Variants in CHM observed in about 807,000 individuals in gnomAD.
CHM encodes the protein CHM Rab escort protein, also known as rab proteins geranylgeranyltransferase component A 1.
A neutral mutation model predicts 49.0 loss-of-function variants in CHM; 10 were observed. The ratio of observed to expected loss-of-function variants is 0.20; its 90% CI spans 0.13 to 0.35. The LOEUF (loss-of-function observed/expected upper bound fraction) is 0.35. Among genes scored for constraint, CHM ranks in the 10% least tolerant of loss-of-function variants. The probability of loss-of-function intolerance (pLI) is 1.00; values close to 1 mark genes in which losing one functional copy is unlikely to be tolerated. For missense variants in CHM, 455 were observed against 478.4 expected, an observed-to-expected ratio of 0.95 and a Z score of 0.46; for synonymous variants, 184 against 167.5, an observed-to-expected ratio of 1.10 and a Z score of -0.76.
intron 8 of CHM, among the ~76,000 whole-genome samples, chrX:85,944,665 C>G (rs377732381): frequency 3.2e-4 from 36 of 112,162 alleles, no homozygotes; most frequent in South Asian, 2.6e-3. Flanking sequence ...AAAAGGGAAG[C>G]TTATACACTG....
At chrX:85,957,559 A>G (rs1930066759) in intron 7 of CHM, among the ~76,000 whole-genome samples, 1 of 111,560 alleles carries the variant, frequency 9.0e-6, no homozygotes, top group South Asian at 3.8e-4. Context: ...AAGAATAAAA[A>G]TTAAAATCTA....
At chrX:85,959,495 C>G (rs1930185599) in intron 5 of CHM, among the ~76,000 whole-genome samples, 1 of 110,845 alleles carries the variant, frequency 9.0e-6, no homozygotes, top group Admixed American at 9.7e-5. Context: ...GTGAACCTCC[C>G]TACCCCATCA....
intron 2 of CHM, among the ~76,000 whole-genome samples, chrX:86,013,904 G>A (rs1020906053): frequency 1.3e-4 from 15 of 112,041 alleles, no homozygotes; most frequent in Non-Finnish European, 5.6e-5. Context: ...AAAGAGGTCT[G>A]CAAGCAATGT....
intron 2 of CHM, among the ~76,000 whole-genome samples, chrX:85,999,925 A>C: frequency 8.9e-6 from 1 of 112,119 alleles, no homozygotes; most frequent in Admixed American, 9.5e-5. Flanking sequence ...CTGTTTATAA[A>C]TCAACAGAGG....
At chrX:85,898,212 T>A (rs1243413359) in intron 11 of CHM, among the ~76,000 whole-genome samples, 3 of 111,401 alleles carry the variant, frequency 2.7e-5, no homozygotes, top group Non-Finnish European at 5.7e-5. Flanking sequence ...CTTCTACCCA[T>A]CCACATTTGC....
At chrX:85,905,408 T>G (rs1458735030) in intron 9 of CHM, among the ~76,000 whole-genome samples, 1 of 111,742 alleles carries the variant, frequency 8.9e-6, no homozygotes, top group East Asian at 2.8e-4. Flanking sequence ...CCAAGCACTG[T>G]TCTAAGAGGT....
At chrX:85,964,872 T>C (rs974425407) in intron 4 of CHM, among the ~76,000 whole-genome samples, 8 of 112,571 alleles carry the variant, frequency 7.1e-5, no homozygotes, top group Non-Finnish European at 1.1e-4. Context: ...TGATATTTTA[T>C]CCTCCACAGA....
chrX:85,937,340 A>G (rs1277745150), intron 8 of CHM, among the ~76,000 whole-genome samples: 1 of 110,009 alleles, frequency 9.1e-6, no homozygotes, highest in Non-Finnish European at 1.9e-5. Flanking sequence ...AGCTCCAAAC[A>G]CTTGCCTTAA....
chrX:85,895,218 C>T (rs188077888), intron 11 of CHM, among the ~76,000 whole-genome samples: 18 of 104,936 alleles, frequency 1.7e-4, no homozygotes, highest in Non-Finnish European at 1.4e-4. Context: ...TCACTGCAAC[C>T]CCCGCCTCCT....
chrX:85,888,806 C>T (rs1470658559), intron 12 of CHM, among the ~76,000 whole-genome samples: 1 of 112,151 alleles, frequency 8.9e-6, no homozygotes, highest in African/African-American at 3.2e-5. Flanking sequence ...CCAAGCATCA[C>T]TGAAAAAATT....
Position 86,032,963 on chromosome X carries a change from G to A in CHM, c.50-5406C>T, listed in dbSNP as rs180820090. Among the ~76,000 whole-genome samples the A allele has an allele frequency of 1.3e-4, 15 of 111,436 alleles. No individual in the cohort carries two copies. In the East Asian group the frequency reaches 1.7e-3, roughly 13 times the overall value. The stretch of plus-strand genomic sequence containing the variant: ...GCTTTCTGCAATTTTCTAAAAACCT[G>A]TCTAGATGAAATAGAGATGTTTCAT... On this transcript the variant is annotated intron_variant, in intron 1 of 14. Coordinates refer to ENST00000357749, the MANE Select transcript of CHM (RefSeq NM_000390.4).
rs950727798 is a variant in CHM, at chrX:85,861,660, A to G, written c.*2970T>C. 8.9e-6 allele frequency: 1 copy of G among 111,929 alleles called. No homozygotes were observed. The highest frequency in any genetic ancestry group is 1.9e-5 in the Non-Finnish European group (1 of 53,150). The allele number at this position is 111,929 out of a possible 1,213,427, so 9.2% of individuals were successfully genotyped here. On this transcript the variant is annotated 3_prime_UTR_variant, in exon 15 of 15. Coordinates refer to ENST00000357749, the MANE Select transcript of CHM (RefSeq NM_000390.4). ...TTTATATATACACAGGTATGTATAC[A>G]CATACAGTATATGTTTTTCTGAGCA...
At chrX:85,971,321 G>T (rs1225291493) in intron 4 of CHM, 1 of 511,751 alleles carries the variant, frequency 2.0e-6, no homozygotes, top group Non-Finnish European at 2.4e-6. Flanking sequence ...GACCCGCGCG[G>T]TGAGTGTTAC....
chrX:85,980,160 T>C (rs890871441), intron 3 of CHM, among the ~76,000 whole-genome samples: 1 of 108,197 alleles, frequency 9.2e-6, no homozygotes, highest in African/African-American at 3.4e-5. Flanking sequence ...GGGGTATATT[T>C]TGTTATTGTT....
At chrX:85,981,846 A>T in intron 2 of CHM, 37 bp from the exon 3 acceptor site, 1 of 1,007,890 alleles carries the variant, frequency 9.9e-7, no homozygotes, top group Non-Finnish European at 1.4e-6. Flanking sequence ...AGTAAAGAAA[A>T]TGGTATAAAA....
chrX:86,047,400 G>T, intron 1 of CHM, 84 bp downstream of exon 1: 1 of 892,191 alleles, frequency 1.1e-6, no homozygotes, highest in Non-Finnish European at 1.6e-6. Context: ...CACGATGTTT[G>T]TCCCAAAACT....
chrX:85,929,195 A>ATT (rs1928270733), intron 8 of CHM, among the ~76,000 whole-genome samples: 1 of 111,650 alleles, frequency 9.0e-6, no homozygotes, highest in Admixed American at 9.5e-5. Flanking sequence ...CACACTCCTG[A>ATT]TTAACTCCCT....
At chrX:85,918,167 G>A (rs1927566468) in intron 8 of CHM, among the ~76,000 whole-genome samples, 1 of 110,736 alleles carries the variant, frequency 9.0e-6, no homozygotes, top group South Asian at 3.9e-4. Context: ...TAGAGAGAAG[G>A]GGGAGATCAG....
chrX:85,955,179 G>A (rs5967653), intron 8 of CHM, among the ~76,000 whole-genome samples: 24,930 of 110,753 alleles, frequency 0.23, 2,161 homozygotes, highest in Non-Finnish European at 0.25. Flanking sequence ...AAAATCTAGT[G>A]TTTGATATTA....
Sources: gnomAD v4.1 joint callset for allele counts (sites outside exome capture counted in the v4.1 genomes callset) on GRCh38, gnomAD v4.1.1 for gene constraint, MANE v1.5 for transcripts, NCBI Gene and HGNC (gene_info 2026-07-23, HGNC 2026-07-21) for gene names.